Variants in FGF14 observed in about 807,000 individuals in gnomAD.
The protein encoded by FGF14 is fibroblast growth factor homologous factor 4.
Under a neutral mutation model 25.5 loss-of-function variants are expected in FGF14, and 5 were observed. The ratio of observed to expected loss-of-function variants is 0.20; its 90% CI spans 0.10 to 0.41. The LOEUF is 0.41. Ranked by LOEUF, FGF14 falls within the 10% of genes least tolerant of loss-of-function variation. The probability of loss-of-function intolerance (pLI) is 1.00; values close to 1 mark genes in which losing one functional copy is unlikely to be tolerated. For synonymous variants in FGF14, 138 were observed against 118.3 expected (o/e 1.17, Z -1.08); for missense variants, 222 against 320.1 (o/e 0.69, Z 2.34).
intron 1 of FGF14, among the ~76,000 whole-genome samples, chr13:101,990,938 C>G (rs1381157683): frequency 6.6e-6 from 1 of 152,080 alleles, no homozygotes; most frequent in Non-Finnish European, 1.5e-5. Context: ...GACAGAACAT[C>G]TAGCACAATT....
intron 3 of FGF14, among the ~76,000 whole-genome samples, chr13:101,780,457 T>C (rs912868343): frequency 3.6e-4 from 55 of 152,208 alleles, no homozygotes; most frequent in African/African-American, 1.3e-3. Flanking sequence ...GAAGTCACTA[T>C]GCCAATGTCA....
intron 1 of FGF14, among the ~76,000 whole-genome samples, chr13:102,258,657 T>C (rs2052566759): frequency 1.3e-5 from 2 of 152,302 alleles, no homozygotes; most frequent in Non-Finnish European, 2.9e-5. Context: ...CCAAGCTCCC[T>C]GGAATGATAG....
chr13:102,059,392 T>C (rs901118673), intron 1 of FGF14, among the ~76,000 whole-genome samples: 1 of 152,166 alleles, frequency 6.6e-6, no homozygotes, highest in Non-Finnish European at 1.5e-5. Context: ...AAGGTATGTG[T>C]CTCTAAAAGG....
At chr13:101,783,335 T>C (rs1271488279) in intron 3 of FGF14, among the ~76,000 whole-genome samples, 1 of 152,060 alleles carries the variant, frequency 6.6e-6, no homozygotes, top group African/African-American at 2.4e-5. Flanking sequence ...CTGGGTGTGG[T>C]GGCACATGCC....
At chr13:102,175,686 C>A (rs924896638) in intron 1 of FGF14, among the ~76,000 whole-genome samples, 9 of 151,894 alleles carry the variant, frequency 5.9e-5, no homozygotes, top group Admixed American at 5.9e-4. Flanking sequence ...GAAATAAGAT[C>A]TATAATATGT....
chr13:102,164,653 A>C (rs1704800027), intron 1 of FGF14, among the ~76,000 whole-genome samples: 1 of 152,178 alleles, frequency 6.6e-6, no homozygotes, highest in Admixed American at 6.6e-5. Flanking sequence ...GAATGAGCTA[A>C]CTATTCTTAA....
intron 3 of FGF14, among the ~76,000 whole-genome samples, chr13:101,747,579 A>T (rs1243817869): frequency 6.6e-6 from 1 of 151,968 alleles, no homozygotes. Context: ...CACCTTACTG[A>T]CCAACAAACA....
chr13:102,372,803 C>A (rs2057925935), intron 1 of FGF14, among the ~76,000 whole-genome samples: 1 of 152,090 alleles, frequency 6.6e-6, no homozygotes, highest in Non-Finnish European at 1.5e-5. Flanking sequence ...CAATGTATCA[C>A]AAAATTTAAG....
At chr13:102,211,156 A>T (rs2050142148) in intron 1 of FGF14, among the ~76,000 whole-genome samples, 1 of 152,130 alleles carries the variant, frequency 6.6e-6, no homozygotes, top group African/African-American at 2.4e-5. Context: ...CATAAAAATC[A>T]CTCATTATTT....
chr13:102,124,212 T>G (rs947051645), intron 1 of FGF14, among the ~76,000 whole-genome samples: 1 of 152,114 alleles, frequency 6.6e-6, no homozygotes, highest in Non-Finnish European at 1.5e-5. Context: ...CTGTCCCACT[T>G]GAAAGTATTA....
chr13:102,205,984 TAAAAAAAAAAAAAAAAAAAAAAAAAAA>T (rs36108366), intron 1 of FGF14, among the ~76,000 whole-genome samples: 11,231 of 47,132 alleles, frequency 0.24, 1,747 homozygotes, highest in Non-Finnish European at 0.25. Flanking sequence ...CTCCCTGTGG[TAAAAAAAAAAAAAAAAAAAAAAAAAAA>T]AAAAAAAAAA....
intron 1 of FGF14, among the ~76,000 whole-genome samples, chr13:101,877,874 G>A (rs2045485788): frequency 1.3e-5 from 2 of 152,106 alleles, no homozygotes; most frequent in Admixed American, 1.3e-4. Context: ...AGTACTATAA[G>A]TTTAAAACAA....
chr13:101,732,877 T>C (rs2035902400), intron 3 of FGF14, among the ~76,000 whole-genome samples: 1 of 152,090 alleles, frequency 6.6e-6, no homozygotes. Context: ...GAATTCTCAA[T>C]TTTTTTTCTT....
intron 1 of FGF14, among the ~76,000 whole-genome samples, chr13:101,960,083 A>G (rs575527569): frequency 6.6e-6 from 1 of 152,220 alleles, no homozygotes; most frequent in South Asian, 2.1e-4. Flanking sequence ...AACACAAATC[A>G]GTTTCACTTG....
chr13:102,080,816 T>A (rs1228772314), intron 1 of FGF14, among the ~76,000 whole-genome samples: 1 of 152,206 alleles, frequency 6.6e-6, no homozygotes, highest in Admixed American at 6.5e-5. Flanking sequence ...AAAGTACCTT[T>A]ATTAGATTTG....
intron 3 of FGF14, among the ~76,000 whole-genome samples, chr13:101,837,413 A>G (rs79233750): frequency 1.3e-5 from 2 of 152,048 alleles, no homozygotes; most frequent in Non-Finnish European, 2.9e-5. Context: ...GACTCTTGAA[A>G]AGATAAGGTT....
intron 1 of FGF14, among the ~76,000 whole-genome samples, chr13:102,255,736 C>T (rs1159185059): frequency 6.6e-6 from 1 of 152,158 alleles, no homozygotes; most frequent in African/African-American, 2.4e-5. Flanking sequence ...GACACTTATG[C>T]TGGCAGAAAA....
At chr13:101,883,245 TTTTA>T (rs1266201930) in intron 1 of FGF14, among the ~76,000 whole-genome samples, 24 of 152,172 alleles carry the variant, frequency 1.6e-4, no homozygotes, top group African/African-American at 5.5e-4. Context: ...TCTTGACCAT[TTTTA>T]TTTATTAAGG....
chr13:102,036,908 G>C (rs1194346326), intron 1 of FGF14, among the ~76,000 whole-genome samples: 1 of 152,110 alleles, frequency 6.6e-6, no homozygotes, highest in Admixed American at 6.5e-5. Flanking sequence ...TGAACTTGAG[G>C]AAAGAAAGGA....
Sources: allele counts gnomAD v4.1 joint callset (sites outside exome capture counted in the v4.1 genomes callset), GRCh38; gene constraint gnomAD v4.1.1; transcripts MANE v1.5; gene names NCBI Gene and HGNC (gene_info 2026-07-23, HGNC 2026-07-21).